FBXL17: variants seen among roughly 807,000 people sequenced by gnomAD.
The protein encoded by FBXL17 is F-box and leucine rich repeat protein 17, also known as F-box/LRR-repeat protein 17.
FBXL17 carries 22 observed loss-of-function variants against 66.2 expected under a neutral mutation model. That is an observed-to-expected ratio of 0.33 (90% CI 0.24 to 0.47). The LOEUF is 0.47. FBXL17 is among the 20% of genes least tolerant of loss of function. FBXL17 has a pLI of 1.00. For missense variants in FBXL17, 878 were observed against 948.2 expected (o/e 0.93, Z 0.97); for synonymous variants, 474 against 400.5 (o/e 1.18, Z -2.19).
chr5:108,262,510 T>C (rs546451946), intron 4 of FBXL17, among the ~76,000 whole-genome samples: 1 of 152,234 alleles, frequency 6.6e-6, no homozygotes, highest in South Asian at 2.1e-4. Flanking sequence ...AGCATCCCTC[T>C]CAAAAAGCCA....
intron 4 of FBXL17, among the ~76,000 whole-genome samples, chr5:108,325,839 G>A (rs1479307944): frequency 6.6e-6 from 1 of 152,134 alleles, no homozygotes; most frequent in Non-Finnish European, 1.5e-5. Context: ...CAGTAATAAT[G>A]ACAGGTGAAA....
chr5:108,362,176 G>A (rs1247780046), intron 3 of FBXL17, among the ~76,000 whole-genome samples: 5 of 152,078 alleles, frequency 3.3e-5, no homozygotes, highest in African/African-American at 1.2e-4. Flanking sequence ...TATTTTTAAA[G>A]ACCTAAAAAT....
At chr5:107,975,885 G>A (rs376012885) in intron 7 of FBXL17, among the ~76,000 whole-genome samples, 1 of 147,372 alleles carries the variant, frequency 6.8e-6, no homozygotes, top group Admixed American at 6.8e-5. Context: ...TTTGAAACGG[G>A]GTCTCACTCT....
intron 6 of FBXL17, among the ~76,000 whole-genome samples, chr5:108,088,781 C>T (rs1749076309): frequency 7.0e-6 from 1 of 141,914 alleles, no homozygotes; most frequent in African/African-American, 2.6e-5. Context: ...TCCCTTCTCA[C>T]TCTATTAGCA....
intron 6 of FBXL17, among the ~76,000 whole-genome samples, chr5:108,148,123 A>G (rs950315080): frequency 1.8e-4 from 27 of 152,326 alleles, no homozygotes; most frequent in Admixed American, 1.3e-3. Context: ...AGCTGTAAAC[A>G]TCGATTGTAT....
At chr5:107,931,982 T>C (rs1750752325) in intron 7 of FBXL17, among the ~76,000 whole-genome samples, 1 of 152,172 alleles carries the variant, frequency 6.6e-6, no homozygotes, top group Admixed American at 6.6e-5. Flanking sequence ...AAAGTACAGA[T>C]TCCTGAATCC....
At chr5:108,035,286 C>G (rs755504950) in intron 6 of FBXL17, among the ~76,000 whole-genome samples, 2 of 152,144 alleles carry the variant, frequency 1.3e-5, no homozygotes, top group African/African-American at 4.8e-5. Flanking sequence ...CTCATAATAG[C>G]TAGCATAACA....
In FBXL17 at chr5:108,188,559, G is replaced by A. The variant is rs543710304; in HGVS notation, c.1615-2312C>T. Among the ~76,000 whole-genome samples the A allele has an allele frequency of 8.5e-5, 13 of 152,280 alleles. No homozygotes were observed. In the South Asian group the frequency reaches 2.7e-3, roughly 32 times the overall value. The stretch of plus-strand genomic sequence containing the variant: ...TCCTATTCAATAACCACAGGTTAAG[G>A]GTTTTAGCAACATCAGAACATAACT... On this transcript the variant is annotated intron_variant, in intron 5 of 8. Transcript: ENST00000542267.
At chr5:108,296,961 A>G (rs1758372585) in intron 4 of FBXL17, among the ~76,000 whole-genome samples, 1 of 151,356 alleles carries the variant, frequency 6.6e-6, no homozygotes, top group Non-Finnish European at 1.5e-5. Context: ...TTTCATTCAA[A>G]TTGATATTAA....
intron 4 of FBXL17, among the ~76,000 whole-genome samples, chr5:108,250,363 T>C (rs1013489829): frequency 2.0e-5 from 3 of 152,168 alleles, no homozygotes; most frequent in Non-Finnish European, 4.4e-5. Flanking sequence ...TAATGACCAA[T>C]TGGCTTTAGC....
intron 7 of FBXL17, among the ~76,000 whole-genome samples, chr5:107,895,867 T>G (rs1369718712): frequency 3.3e-5 from 5 of 152,154 alleles, no homozygotes; most frequent in Non-Finnish European, 7.4e-5. Flanking sequence ...TTACATGGTA[T>G]TAATAACAAT....
intron 5 of FBXL17, among the ~76,000 whole-genome samples, chr5:108,192,455 C>T (rs1024814284): frequency 1.3e-5 from 2 of 152,084 alleles, no homozygotes; most frequent in Non-Finnish European, 2.9e-5. Flanking sequence ...CTAATTAATT[C>T]ATGTTAAAGA....
intron 4 of FBXL17, among the ~76,000 whole-genome samples, chr5:108,320,077 TTCTC>T (rs1759546659): frequency 6.6e-6 from 1 of 151,786 alleles, no homozygotes; most frequent in African/African-American, 2.4e-5. Context: ...CATTACAAAC[TTCTC>T]TCTCCTTGCT....
At chr5:108,176,585 A>G (rs1034302168) in intron 6 of FBXL17, among the ~76,000 whole-genome samples, 4 of 152,146 alleles carry the variant, frequency 2.6e-5, no homozygotes, top group Admixed American at 2.6e-4. Flanking sequence ...AGCCAAAATC[A>G]CCCACATCAA....
chr5:108,145,365 G>A (rs960893991), intron 6 of FBXL17, among the ~76,000 whole-genome samples: 1 of 152,178 alleles, frequency 6.6e-6, no homozygotes, highest in Non-Finnish European at 1.5e-5. Context: ...GAGCATCACA[G>A]ATTTCTTCTC....
chr5:108,326,945 A>C (rs1181346084), intron 4 of FBXL17, among the ~76,000 whole-genome samples: 2 of 152,174 alleles, frequency 1.3e-5, no homozygotes, highest in Non-Finnish European at 2.9e-5. Context: ...TACACTTCCC[A>C]AACAACTCAG....
At chr5:108,014,823 A>G (rs1177086553) in intron 7 of FBXL17, among the ~76,000 whole-genome samples, 1 of 152,192 alleles carries the variant, frequency 6.6e-6, no homozygotes, top group African/African-American at 2.4e-5. Context: ...GTTCCATGTG[A>G]CTGGGGAAGC....
At chr5:108,165,074 T>C (rs1003201009) in intron 6 of FBXL17, among the ~76,000 whole-genome samples, 6 of 152,164 alleles carry the variant, frequency 3.9e-5, no homozygotes, top group African/African-American at 1.2e-4. Context: ...TACAAAGATA[T>C]AGAAATAAGA....
intron 4 of FBXL17, among the ~76,000 whole-genome samples, chr5:108,303,315 T>A (rs1202401791): frequency 6.6e-6 from 1 of 151,030 alleles, no homozygotes; most frequent in Non-Finnish European, 1.5e-5. Flanking sequence ...TAGTCTCAGT[T>A]CAATTCCCCT....
Sources: gnomAD v4.1 joint callset for allele counts (sites outside exome capture counted in the v4.1 genomes callset) on GRCh38, gnomAD v4.1.1 for gene constraint, MANE v1.5 for transcripts, NCBI Gene and HGNC (gene_info 2026-07-23, HGNC 2026-07-21) for gene names.